The following ZBTB20 variants were observed in gnomAD, a reference collection of about 807,000 sequenced individuals.
The protein encoded by ZBTB20 is zinc finger and BTB domain-containing protein 20.
Under a neutral mutation model 56.9 loss-of-function variants are expected in ZBTB20, and 9 were observed. The ratio of observed to expected loss-of-function variants is 0.16; its 90% CI spans 0.10 to 0.28. The LOEUF is 0.28. ZBTB20 is among the 10% of genes least tolerant of loss of function. The pLI is 1.00. For missense variants in ZBTB20, 655 were observed against 1,003.0 expected (o/e 0.65, Z 4.69); for synonymous variants, 417 against 420.7 (o/e 0.99, Z 0.11).
In ZBTB20 at chr3:114,326,497, A is replaced by G. The variant is rs543381271; in HGVS notation, c.*12508T>C. 6.6e-6 allele frequency: 1 copy of G among 152,186 alleles called. No individual in the cohort carries two copies. The highest frequency in any genetic ancestry group is 1.5e-5 in the Non-Finnish European group (1 of 68,018). The allele number at this position is 152,186 out of a possible 1,614,324, so 9.4% of individuals were successfully genotyped here. On this transcript the variant is annotated 3_prime_UTR_variant, in exon 12 of 12. Transcript: ENST00000675478. Reference sequence around the variant, plus strand: ...GATTTTTTGGAGGAAAAATTCCTTCATGGTAGGATGGAAGGCTTTTCTTTC... The same window carrying G: ...GATTTTTTGGAGGAAAAATTCCTTCGTGGTAGGATGGAAGGCTTTTCTTTC...
chr3:114,368,432 C>T (rs1307401213), intron 10 of ZBTB20, among the ~76,000 whole-genome samples: 1 of 152,118 alleles, frequency 6.6e-6, no homozygotes. Context: ...CGGAGGGACC[C>T]GAGAGGACAT....
intron 6 of ZBTB20, among the ~76,000 whole-genome samples, chr3:114,686,736 C>T (rs1446258078): frequency 6.6e-6 from 1 of 152,162 alleles, no homozygotes; most frequent in Non-Finnish European, 1.5e-5. Context: ...TTTATTCCCC[C>T]TGAAGGCCTT....
At chr3:115,092,775 CTATT>C (rs1187791230) in intron 1 of ZBTB20, among the ~76,000 whole-genome samples, 1 of 152,030 alleles carries the variant, frequency 6.6e-6, no homozygotes, top group Non-Finnish European at 1.5e-5. Flanking sequence ...TGACAAATGA[CTATT>C]TTTGGTTTAT....
chr3:114,376,851 A>T (rs2108498977), intron 10 of ZBTB20, among the ~76,000 whole-genome samples: 1 of 152,344 alleles, frequency 6.6e-6, no homozygotes, highest in South Asian at 2.1e-4. Flanking sequence ...GAATAGGTGG[A>T]TCTACAGCAG....
chr3:114,783,347 T>C (rs2070253245), intron 5 of ZBTB20, among the ~76,000 whole-genome samples: 1 of 152,240 alleles, frequency 6.6e-6, no homozygotes, highest in Non-Finnish European at 1.5e-5. Flanking sequence ...CTGCCACATC[T>C]GGGTCTTACT....
chr3:114,650,282 G>T (rs912689184), intron 6 of ZBTB20, among the ~76,000 whole-genome samples: 3 of 151,874 alleles, frequency 2.0e-5, no homozygotes, highest in Admixed American at 2.0e-4. Context: ...CCATTGAAAA[G>T]TAGCCATAAA....
intron 7 of ZBTB20, among the ~76,000 whole-genome samples, chr3:114,392,028 T>A (rs2085922263): frequency 6.6e-6 from 1 of 152,178 alleles, no homozygotes; most frequent in African/African-American, 2.4e-5. Flanking sequence ...ACCGAACTAA[T>A]AAATATGTTT....
At chr3:115,032,551 TG>T (rs1299027835) in intron 2 of ZBTB20, among the ~76,000 whole-genome samples, 1 of 151,324 alleles carries the variant, frequency 6.6e-6, no homozygotes, top group Non-Finnish European at 1.5e-5. Context: ...ACAGACATAC[TG>T]GGAACACTCC....
chr3:115,031,549 G>C (rs1273408358), intron 2 of ZBTB20, among the ~76,000 whole-genome samples: 1 of 151,320 alleles, frequency 6.6e-6, no homozygotes, highest in Non-Finnish European at 1.5e-5. Context: ...AAAATCATGA[G>C]ATTTAAATTA....
intron 8 of ZBTB20, chr3:114,387,146 G>A (rs919178823): frequency 5.5e-4 from 29 of 52,994 alleles, no homozygotes; most frequent in African/African-American, 1.8e-3. Context: ...GCATTATTGT[G>A]CAGGTGGTAT....
chr3:114,701,833 A>G (rs1275728193), intron 5 of ZBTB20, among the ~76,000 whole-genome samples: 2 of 152,198 alleles, frequency 1.3e-5, no homozygotes, highest in Non-Finnish European at 2.9e-5. Flanking sequence ...GACTCCTAAA[A>G]AGAGATTCTT....
rs189619127 is a variant in ZBTB20, at chr3:114,988,623, A to G, written c.-506-14207T>C. Reference sequence around the variant, plus strand: ...TCCTTTGGGTATATACTCAGTAATGAGATGGCTGGGTCAAATGGTATTTCT... The same window carrying G: ...TCCTTTGGGTATATACTCAGTAATGGGATGGCTGGGTCAAATGGTATTTCT... On this transcript the variant is annotated intron_variant, in intron 2 of 11. Transcript: ENST00000675478. Among the ~76,000 whole-genome samples, 3 of 152,264 alleles carry G rather than the reference A, an allele frequency of 2.0e-5. No individual in the cohort carries two copies. In the South Asian group the frequency reaches 6.2e-4, roughly 32 times the overall value.
At chr3:114,385,889 C>T (rs574571873) in intron 8 of ZBTB20, among the ~76,000 whole-genome samples, 83 of 152,190 alleles carry the variant, frequency 5.5e-4, no homozygotes, top group African/African-American at 1.9e-3. Context: ...CCCTTCATTT[C>T]AGTAATCTGT....
intron 10 of ZBTB20, among the ~76,000 whole-genome samples, chr3:114,355,549 C>A (rs1174309454): frequency 6.6e-6 from 1 of 152,212 alleles, no homozygotes; most frequent in Non-Finnish European, 1.5e-5. Context: ...AATTCCTTTC[C>A]CAGGCTTTCT....
intron 4 of ZBTB20, among the ~76,000 whole-genome samples, chr3:114,878,050 G>GA (rs1165987097): frequency 6.6e-6 from 1 of 151,846 alleles, no homozygotes; most frequent in Non-Finnish European, 1.5e-5. Context: ...ATCAAACAAT[G>GA]AAAAAAAGAA....
At chr3:114,840,994 T>C (rs1169433973) in intron 4 of ZBTB20, among the ~76,000 whole-genome samples, 2 of 152,220 alleles carry the variant, frequency 1.3e-5, no homozygotes, top group Non-Finnish European at 2.9e-5. Context: ...ATATCATTTG[T>C]AGCTATTGTA....
chr3:114,563,646 T>G (rs2052369512), intron 6 of ZBTB20, among the ~76,000 whole-genome samples: 1 of 152,178 alleles, frequency 6.6e-6, no homozygotes, highest in African/African-American at 2.4e-5. Context: ...ACTTTTCTAG[T>G]CTGGAATGTA....
intron 6 of ZBTB20, among the ~76,000 whole-genome samples, chr3:114,521,127 T>C (rs777652564): frequency 7.2e-5 from 11 of 152,188 alleles, no homozygotes; most frequent in Non-Finnish European, 1.6e-4. Context: ...TATTTTTCTA[T>C]GTCTTAATAT....
chr3:114,690,337 A>G (rs761787715), intron 6 of ZBTB20, among the ~76,000 whole-genome samples: 1 of 152,166 alleles, frequency 6.6e-6, no homozygotes, highest in Non-Finnish European at 1.5e-5. Flanking sequence ...ACATAAATTC[A>G]GTTTATACTG....
Sources: gnomAD v4.1 joint callset for allele counts (sites outside exome capture counted in the v4.1 genomes callset) on GRCh38, gnomAD v4.1.1 for gene constraint, MANE v1.5 for transcripts, NCBI Gene and HGNC (gene_info 2026-07-23, HGNC 2026-07-21) for gene names.